The following EFCAB5 variants were observed in gnomAD, a reference collection of about 807,000 sequenced individuals.
EFCAB5 encodes EF-hand calcium-binding domain-containing protein 5.
EFCAB5 carries 131 observed loss-of-function variants against 167.9 expected under a neutral mutation model. The observed-to-expected ratio is 0.78, with a 90% confidence interval of 0.68 to 0.90. EFCAB5 has a LOEUF of 0.90. EFCAB5 is among the 40% of genes least tolerant of loss of function. EFCAB5 has a pLI of 0.00. For missense variants in EFCAB5, 1,663 were observed against 1,745.2 expected (o/e 0.95, Z 0.84); for synonymous variants, 574 against 602.8 (o/e 0.95, Z 0.70).
intron 22 of EFCAB5, among the ~76,000 whole-genome samples, chr17:30,102,944 T>G (rs539358573): frequency 1.3e-5 from 2 of 151,944 alleles, no homozygotes; most frequent in South Asian, 2.1e-4. Context: ...TGATTCTCCC[T>G]CCTCCCACCT....
chr17:30,077,380 CAT>C (rs1491147495), intron 14 of EFCAB5, among the ~76,000 whole-genome samples: 2 of 151,820 alleles, frequency 1.3e-5, no homozygotes, highest in Admixed American at 6.6e-5. Flanking sequence ...TGCGTGTGTG[CAT>C]GTGTGTGTGT....
intron 14 of EFCAB5, among the ~76,000 whole-genome samples, chr17:30,075,415 C>T (rs143691261): frequency 1.4e-3 from 213 of 152,274 alleles, no homozygotes; most frequent in Non-Finnish European, 2.6e-3. Context: ...TGTGGATTCC[C>T]TTGTCAATTC....
chr17:29,945,219 G>T (rs972657169), intron 3 of EFCAB5, among the ~76,000 whole-genome samples: 3 of 151,736 alleles, frequency 2.0e-5, no homozygotes. Context: ...TTTAGTATAC[G>T]CTAGGCTGAG....
At chr17:30,075,687 A>G (rs2070854418) in intron 14 of EFCAB5, among the ~76,000 whole-genome samples, 1 of 152,126 alleles carries the variant, frequency 6.6e-6, no homozygotes, top group African/African-American at 2.4e-5. Context: ...ACCCACATGG[A>G]CTGAAGGTTG....
chr17:30,004,181 A>G (rs769723808), intron 7 of EFCAB5, among the ~76,000 whole-genome samples: 9 of 152,188 alleles, frequency 5.9e-5, no homozygotes, highest in Non-Finnish European at 8.8e-5. Flanking sequence ...TGGTCCCCCA[A>G]TCATTTGCAG....
intron 16 of EFCAB5, 113 bp from the exon 17 acceptor site, chr17:30,080,640 C>A: frequency 1.3e-6 from 1 of 786,486 alleles, no homozygotes; most frequent in Admixed American, 2.8e-5. Context: ...GAGTCCACTG[C>A]TCGGTCATAT....
At position 30,083,009 on chromosome 17, in the gene EFCAB5, T is replaced by A. The variant is rs376248141; in HGVS notation, c.3545T>A (p.Ile1182Asn). ...LYDVTSSITS[I>N]TTYFVEPSPA... The stretch of plus-strand genomic sequence containing the variant: ...GACGTCACATCCAGCATCACCTCCA[T>A]CACTACGTACTTTGTAGAGCCTAGC... The change falls in exon 18 of 23, where the codon ATC becomes AAC. Residue 1182 changes from isoleucine to asparagine, a missense_variant. Coordinates refer to ENST00000394835, the MANE Select transcript of EFCAB5 (RefSeq NM_198529.4). 7 of 1,613,892 alleles carry A rather than the reference T, an allele frequency of 4.3e-6. No homozygotes were observed. The highest frequency in any genetic ancestry group is 5.1e-6 in the Non-Finnish European group (6 of 1,179,896).
intron 5 of EFCAB5, 80 bp downstream of exon 5, chr17:29,993,401 C>T (rs1445847801): frequency 2.9e-5 from 40 of 1,373,346 alleles, no homozygotes; most frequent in Non-Finnish European, 9.7e-6. Context: ...GAGTAGCATA[C>T]TAGAAGCCTC....
chr17:30,089,387 G>A (rs1427124863), intron 19 of EFCAB5, among the ~76,000 whole-genome samples: 1 of 152,148 alleles, frequency 6.6e-6, no homozygotes, highest in Admixed American at 6.5e-5. Flanking sequence ...ACCTGTCACT[G>A]TAGGATTGAT....
intron 5 of EFCAB5, among the ~76,000 whole-genome samples, chr17:29,995,380 ATGACCTTTGCTCTTGATCAG>A (rs1466917509): frequency 6.6e-6 from 1 of 152,240 alleles, no homozygotes; most frequent in Admixed American, 6.5e-5. Context: ...AACTGTTGCC[ATGACCTTTGCTCTTGATCAG>A]TCTGCTTTTG....
chr17:30,101,446 T>C (rs2071381700), intron 22 of EFCAB5, among the ~76,000 whole-genome samples: 2 of 152,188 alleles, frequency 1.3e-5, no homozygotes, highest in Non-Finnish European at 2.9e-5. Flanking sequence ...TCAGCTGAGA[T>C]GGAGAACACG....
intron 14 of EFCAB5, among the ~76,000 whole-genome samples, chr17:30,064,792 A>G (rs1567753343): frequency 6.6e-6 from 1 of 152,240 alleles, no homozygotes; most frequent in Non-Finnish European, 1.5e-5. Flanking sequence ...TATAAGGGAA[A>G]GCCAGAGAAA....
intron 6 of EFCAB5, among the ~76,000 whole-genome samples, 156 bp downstream of exon 6, chr17:29,996,516 C>T (rs1597641626): frequency 6.6e-6 from 1 of 152,250 alleles, no homozygotes; most frequent in Admixed American, 6.5e-5. Flanking sequence ...AGAATGTATA[C>T]AAGCAGAAAA....
chr17:30,009,470 T>C (rs2068845223), intron 7 of EFCAB5, among the ~76,000 whole-genome samples: 1 of 152,222 alleles, frequency 6.6e-6, no homozygotes, highest in African/African-American at 2.4e-5. Flanking sequence ...ACATTTCATA[T>C]ATATGGAATA....
intron 7 of EFCAB5, among the ~76,000 whole-genome samples, chr17:30,000,847 G>A (rs2068646644): frequency 6.6e-6 from 1 of 152,076 alleles, no homozygotes; most frequent in Non-Finnish European, 1.5e-5. Context: ...CAAACTAATG[G>A]CCACAGTTGT....
intron 3 of EFCAB5, among the ~76,000 whole-genome samples, chr17:29,944,643 G>A (rs1472768224): frequency 7.3e-6 from 1 of 136,612 alleles, no homozygotes; most frequent in Non-Finnish European, 1.6e-5. Flanking sequence ...TTTTTTTTGA[G>A]ACGAAGTTTT....
chr17:30,010,658 T>C (rs1309899833), intron 7 of EFCAB5, among the ~76,000 whole-genome samples: 1 of 152,216 alleles, frequency 6.6e-6, no homozygotes, highest in Non-Finnish European at 1.5e-5. Flanking sequence ...AGTTGTTTGA[T>C]TTTTTCTTGT....
chr17:30,080,677 C>T (rs1200099128), intron 16 of EFCAB5, 76 bp from the exon 17 acceptor site: 18 of 1,073,884 alleles, frequency 1.7e-5, no homozygotes, highest in African/African-American at 8.0e-5. Context: ...AATAGAGAAT[C>T]GCTCTAGTTT....
At chr17:29,962,678 T>C (rs1478966498) in intron 3 of EFCAB5, among the ~76,000 whole-genome samples, 2 of 149,562 alleles carry the variant, frequency 1.3e-5, no homozygotes, top group African/African-American at 4.9e-5. Context: ...TGTTGCCCTA[T>C]TGAATTTGTT....
Sources: gnomAD v4.1 joint callset for allele counts (sites outside exome capture counted in the v4.1 genomes callset) on GRCh38, gnomAD v4.1.1 for gene constraint, MANE v1.5 for transcripts, NCBI Gene and HGNC (gene_info 2026-07-23, HGNC 2026-07-21) for gene names.